ATRNL1: variants seen among roughly 807,000 people sequenced by gnomAD.
ATRNL1 encodes attractin like 1.
In ATRNL1, 95 loss-of-function variants were observed where a neutral mutation model predicts 182.7. The ratio of observed to expected loss-of-function variants is 0.52; its 90% CI spans 0.44 to 0.62. ATRNL1 has a LOEUF of 0.62. Ranked by LOEUF, ATRNL1 falls within the 20% of genes least tolerant of loss-of-function variation. The pLI, the probability that ATRNL1 is intolerant of heterozygous loss-of-function variation, is 0.00. For missense variants in ATRNL1, 1,471 were observed against 1,679.5 expected (o/e 0.88, Z 2.17); for synonymous variants, 576 against 568.3 (o/e 1.01, Z -0.19).
intron 27 of ATRNL1, among the ~76,000 whole-genome samples, chr10:115,741,476 G>T (rs1267222657): frequency 6.6e-6 from 1 of 152,148 alleles, no homozygotes; most frequent in African/African-American, 2.4e-5. Context: ...GCAGCTGTGA[G>T]AGTTAAGGTA....
rs569290212 is a variant in ATRNL1, at chr10:115,365,141, A to G, written c.3176-29518A>G. Among the ~76,000 whole-genome samples, 14 of 151,968 alleles carry G rather than the reference A, an allele frequency of 9.2e-5. No homozygotes were observed. In the East Asian group the frequency reaches 1.9e-3, roughly 21 times the overall value. ...TCTGGTAGAATTCGGCTGTGAATCC[A>G]TCTGGTCCTGGACTCTTTTTGGTTG... On this transcript the variant is annotated intron_variant, in intron 19 of 28. Transcript: ENST00000355044.
At chr10:115,674,118 T>C (rs1945786880) in intron 26 of ATRNL1, among the ~76,000 whole-genome samples, 1 of 152,078 alleles carries the variant, frequency 6.6e-6, no homozygotes, top group Non-Finnish European at 1.5e-5. Context: ...AGAAATATAT[T>C]GCCACAGAGA....
At chr10:115,148,640 G>T (rs1048400697) in intron 5 of ATRNL1, among the ~76,000 whole-genome samples, 1 of 152,004 alleles carries the variant, frequency 6.6e-6, no homozygotes, top group African/African-American at 2.4e-5. Context: ...ACAATGAGTG[G>T]GTTTAAGAGC....
intron 27 of ATRNL1, among the ~76,000 whole-genome samples, chr10:115,801,227 G>A (rs1463014713): frequency 2.0e-5 from 3 of 151,950 alleles, no homozygotes; most frequent in Non-Finnish European, 2.9e-5. Context: ...CCCCTGTCTC[G>A]TCTGACTTTA....
chr10:115,738,154 T>TTTTTTTTTTTTTTTTTTGTTTTC (rs71010046), intron 27 of ATRNL1, among the ~76,000 whole-genome samples: 1 of 63,870 alleles, frequency 1.6e-5, no homozygotes, highest in Non-Finnish European at 3.3e-5. Context: ...TTTTTTTTTT[T>TTTTTTTTTTTTTTTTTTGTTTTC]TTGAGATGGA....
chr10:115,160,653 G>C (rs1428840921), intron 6 of ATRNL1, among the ~76,000 whole-genome samples: 6 of 151,740 alleles, frequency 4.0e-5, no homozygotes, highest in African/African-American at 7.3e-5. Flanking sequence ...AACAGTTCTA[G>C]TATTATGAGA....
At chr10:115,520,685 A>G (rs1485115517) in intron 25 of ATRNL1, among the ~76,000 whole-genome samples, 2 of 152,162 alleles carry the variant, frequency 1.3e-5, no homozygotes, top group Admixed American at 6.5e-5. Flanking sequence ...CTGCCTCCCT[A>G]TGATATCTCT....
At chr10:115,702,098 T>C (rs191542163) in intron 26 of ATRNL1, among the ~76,000 whole-genome samples, 4 of 152,054 alleles carry the variant, frequency 2.6e-5, no homozygotes, top group African/African-American at 9.7e-5. Flanking sequence ...ATTCCTGGCA[T>C]GTAAGGTTGG....
At chr10:115,168,531 T>C (rs1847147552) in intron 7 of ATRNL1, among the ~76,000 whole-genome samples, 1 of 152,130 alleles carries the variant, frequency 6.6e-6, no homozygotes, top group African/African-American at 2.4e-5. Flanking sequence ...TATTATCTCA[T>C]TGTGGTTTTG....
chr10:115,769,252 C>A (rs1948929297), intron 27 of ATRNL1, among the ~76,000 whole-genome samples: 1 of 152,050 alleles, frequency 6.6e-6, no homozygotes, highest in African/African-American at 2.4e-5. Flanking sequence ...CTTTGGAATG[C>A]CTATTAATCA....
intron 10 of ATRNL1, among the ~76,000 whole-genome samples, chr10:115,248,872 A>G (rs981772470): frequency 1.3e-5 from 2 of 152,216 alleles, no homozygotes; most frequent in African/African-American, 4.8e-5. Context: ...AAGTTTTGAA[A>G]TGGCTAATAT....
At chr10:115,687,413 G>T (rs181366662) in intron 26 of ATRNL1, among the ~76,000 whole-genome samples, 2 of 152,082 alleles carry the variant, frequency 1.3e-5, no homozygotes, top group African/African-American at 4.8e-5. Context: ...AATGTCCTCT[G>T]GGTACACCTG....
intron 27 of ATRNL1, among the ~76,000 whole-genome samples, chr10:115,736,854 G>C (rs1282517685): frequency 6.6e-6 from 1 of 152,024 alleles, no homozygotes; most frequent in Non-Finnish European, 1.5e-5. Context: ...TACAACCTCT[G>C]CCTCGCAGGT....
At chr10:115,550,395 A>G (rs781923102) in intron 26 of ATRNL1, among the ~76,000 whole-genome samples, 9 of 149,388 alleles carry the variant, frequency 6.0e-5, no homozygotes, top group Non-Finnish European at 1.0e-4. Flanking sequence ...CATAAAAAAT[A>G]TAATATTTAA....
chr10:115,618,894 G>GT (rs1165341224), intron 26 of ATRNL1, among the ~76,000 whole-genome samples: 1 of 152,104 alleles, frequency 6.6e-6, no homozygotes, highest in African/African-American at 2.4e-5. Context: ...GCTCTTTAGG[G>GT]TTTTTTGTGT....
intron 26 of ATRNL1, among the ~76,000 whole-genome samples, chr10:115,630,450 G>A: frequency 6.6e-6 from 1 of 151,528 alleles, no homozygotes; most frequent in Non-Finnish European, 1.5e-5. Context: ...AAAACAATAC[G>A]GACATTCCTC....
chr10:115,477,715 G>A (rs948975386), intron 24 of ATRNL1, among the ~76,000 whole-genome samples: 1 of 151,552 alleles, frequency 6.6e-6, no homozygotes, highest in African/African-American at 2.4e-5. Flanking sequence ...CGTTATCATG[G>A]ATAACCTTGA....
At position 115,652,162 on chromosome 10, in the gene ATRNL1, G is replaced by A. The variant is rs562360540; in HGVS notation, c.3796-75086G>A. 7.2e-5 allele frequency among the ~76,000 whole-genome samples: 11 copies of A among 151,990 alleles called. No individual in the cohort carries two copies. The South Asian group carries it at 2.3e-3, about 31-fold the overall frequency. On this transcript the variant is annotated intron_variant, in intron 26 of 28. Transcript: ENST00000355044. Reference sequence around the variant, plus strand: ...TTATATAATTTTACATATTTTCATAGCTGTAAAGGGGATTGTTAGCATTTC... The same window carrying A: ...TTATATAATTTTACATATTTTCATAACTGTAAAGGGGATTGTTAGCATTTC...
intron 26 of ATRNL1, among the ~76,000 whole-genome samples, chr10:115,652,706 A>C (rs1261734246): frequency 6.6e-6 from 1 of 152,054 alleles, no homozygotes; most frequent in African/African-American, 2.4e-5. Flanking sequence ...ACCATTCTGC[A>C]TACAGTTTAC....
Sources: allele counts gnomAD v4.1 joint callset (sites outside exome capture counted in the v4.1 genomes callset), GRCh38; gene constraint gnomAD v4.1.1; transcripts MANE v1.5; gene names NCBI Gene and HGNC (gene_info 2026-07-23, HGNC 2026-07-21).